GRXCR1: variants seen among roughly 807,000 people sequenced by gnomAD.
GRXCR1 encodes glutaredoxin and cysteine rich domain containing 1.
In GRXCR1, 27 loss-of-function variants were observed where a neutral mutation model predicts 27.3. The ratio of observed to expected loss-of-function variants is 0.99; its 90% confidence interval spans 0.73 to 1.37. GRXCR1 has a LOEUF of 1.37. GRXCR1 is among the 40% of genes most tolerant of loss of function. The pLI is 0.00. For missense variants in GRXCR1, 379 were observed against 354.4 expected (o/e 1.07, Z -0.56); for synonymous variants, 122 against 131.1 (o/e 0.93, Z 0.47).
At chr4:43,006,098 A>C (rs775419776) in intron 2 of GRXCR1, among the ~76,000 whole-genome samples, 4 of 152,188 alleles carry the variant, frequency 2.6e-5, no homozygotes, top group Non-Finnish European at 5.9e-5. Flanking sequence ...ATGGGCACTT[A>C]TCACTTCCCC....
At chr4:42,947,620 C>T (rs1226715093) in intron 1 of GRXCR1, among the ~76,000 whole-genome samples, 1 of 152,046 alleles carries the variant, frequency 6.6e-6, no homozygotes, top group Non-Finnish European at 1.5e-5. Flanking sequence ...ATTAGATTGC[C>T]TTTCCTAATG....
chr4:42,922,263 T>C (rs1747032516), intron 1 of GRXCR1, among the ~76,000 whole-genome samples: 1 of 152,120 alleles, frequency 6.6e-6, no homozygotes, highest in South Asian at 2.1e-4. Context: ...CCCTGCCTCC[T>C]GGTCTGTCTG....
At chr4:42,972,886 A>C (rs2109780316) in intron 2 of GRXCR1, among the ~76,000 whole-genome samples, 1 of 152,136 alleles carries the variant, frequency 6.6e-6, no homozygotes, top group East Asian at 2.0e-4. Context: ...ATGCTGAATT[A>C]CTTCACCACT....
At chr4:42,984,476 G>A (rs374049565) in intron 2 of GRXCR1, among the ~76,000 whole-genome samples, 1 of 152,180 alleles carries the variant, frequency 6.6e-6, no homozygotes, top group Non-Finnish European at 1.5e-5. Flanking sequence ...GTGGACATGT[G>A]TCAATGTCTG....
Position 42,960,280 on chromosome 4 carries a change from G to C in GRXCR1, c.385-2612G>C, listed in dbSNP as rs144762028. Among the ~76,000 whole-genome samples the C allele has an allele frequency of 4.5e-3, 681 of 152,076 alleles. 2 individuals are homozygous for C. The highest frequency in any genetic ancestry group is 0.015 in the African/African-American group (641 of 41,526). ...ATCATTTTGGTAGAAAACTAATGCA[G>C]TAATAGTAGTCTTTGTATTCAGAGG... is the stretch of plus-strand genomic sequence containing the variant. On this transcript the variant is annotated intron_variant, in intron 1 of 3. Coordinates refer to ENST00000399770, the MANE Select transcript of GRXCR1 (RefSeq NM_001080476.3).
intron 2 of GRXCR1, among the ~76,000 whole-genome samples, chr4:43,010,165 GC>G (rs1310113901): frequency 6.6e-6 from 1 of 152,148 alleles, no homozygotes; most frequent in African/African-American, 2.4e-5. Context: ...ACTTTGGGAG[GC>G]CAAGATGGGT....
At chr4:42,907,163 G>A (rs1746615348) in intron 1 of GRXCR1, among the ~76,000 whole-genome samples, 1 of 152,168 alleles carries the variant, frequency 6.6e-6, no homozygotes, top group South Asian at 2.1e-4. Context: ...ACAAATTGTA[G>A]CATGTATTTG....
chr4:42,899,652 C>A (rs1746421485), intron 1 of GRXCR1, among the ~76,000 whole-genome samples: 1 of 152,106 alleles, frequency 6.6e-6, no homozygotes, highest in Non-Finnish European at 1.5e-5. Context: ...TGTATAATGA[C>A]TTTTATCTTG....
At chr4:43,008,168 T>C (rs976788725) in intron 2 of GRXCR1, among the ~76,000 whole-genome samples, 1 of 152,222 alleles carries the variant, frequency 6.6e-6, no homozygotes, top group Non-Finnish European at 1.5e-5. Context: ...TTCATCTTTT[T>C]AGTATTTAGT....
intron 1 of GRXCR1, among the ~76,000 whole-genome samples, chr4:42,918,992 A>T (rs1746947122): frequency 6.6e-6 from 1 of 152,186 alleles, no homozygotes; most frequent in African/African-American, 2.4e-5. Context: ...AAGGCAGCAG[A>T]AATCAGAATA....
intron 1 of GRXCR1, among the ~76,000 whole-genome samples, chr4:42,897,118 C>A (rs1262765086): frequency 6.6e-6 from 1 of 152,054 alleles, no homozygotes; most frequent in Non-Finnish European, 1.5e-5. Flanking sequence ...TCATGCTAAG[C>A]AAATTATAAA....
chr4:42,948,992 T>C (rs1419746785), intron 1 of GRXCR1, among the ~76,000 whole-genome samples: 1 of 152,156 alleles, frequency 6.6e-6, no homozygotes, highest in Non-Finnish European at 1.5e-5. Flanking sequence ...GTTTTTAAAC[T>C]ACTAACTTTG....
intron 1 of GRXCR1, among the ~76,000 whole-genome samples, chr4:42,894,130 C>T (rs1391163827): frequency 6.6e-6 from 1 of 152,122 alleles, no homozygotes; most frequent in Non-Finnish European, 1.5e-5. Flanking sequence ...CTAACTTCGA[C>T]TTCCTCCCAT....
intron 2 of GRXCR1, among the ~76,000 whole-genome samples, chr4:42,994,008 C>A (rs1201230021): frequency 6.6e-6 from 1 of 152,050 alleles, no homozygotes; most frequent in Non-Finnish European, 1.5e-5. Context: ...TTTGAAGTAA[C>A]TTTCTTATTT....
At chr4:42,895,052 C>A (rs1746316741) in intron 1 of GRXCR1, among the ~76,000 whole-genome samples, 1 of 151,920 alleles carries the variant, frequency 6.6e-6, no homozygotes, top group Admixed American at 6.6e-5. Flanking sequence ...ATTCAAATCT[C>A]CCCCCAAATT....
rs1746276111 is a variant in GRXCR1 at position 42,893,365 on chromosome 4, T to C, written c.99T>C (p.Tyr33=). The C allele has an allele frequency of 1.9e-6, 3 of 1,613,658 alleles. 1 individual carries two copies. In the South Asian group the frequency reaches 3.3e-5, roughly 18 times the overall value. The change falls in exon 1 of 4, where the codon TAT becomes TAC. Residue 33 remains tyrosine, a synonymous_variant. Coordinates refer to ENST00000399770, the MANE Select transcript of GRXCR1 (RefSeq NM_001080476.3). ...SHSGRVLKEV[Y]EDGQPSGSLD... ...GTGGGCGAGTTCTGAAGGAAGTGTA[T>C]GAAGATGGGCAACCGTCAGGCTCTC...
At chr4:42,944,579 T>A (rs1266796364) in intron 1 of GRXCR1, among the ~76,000 whole-genome samples, 1 of 152,102 alleles carries the variant, frequency 6.6e-6, no homozygotes, top group African/African-American at 2.4e-5. Context: ...TACGTTTTTA[T>A]CTATTTTATG....
At chr4:42,906,943 A>G (rs1746609611) in intron 1 of GRXCR1, among the ~76,000 whole-genome samples, 1 of 152,150 alleles carries the variant, frequency 6.6e-6, no homozygotes, top group South Asian at 2.1e-4. Flanking sequence ...TATTTTCCCT[A>G]TTTCCACACT....
At chr4:42,975,648 A>T (rs536272391) in intron 2 of GRXCR1, among the ~76,000 whole-genome samples, 5 of 152,006 alleles carry the variant, frequency 3.3e-5, no homozygotes, top group East Asian at 1.9e-4. Flanking sequence ...CCGTAGTCAC[A>T]CTCCATCATC....
Sources: allele counts gnomAD v4.1 joint callset (sites outside exome capture counted in the v4.1 genomes callset), GRCh38; gene constraint gnomAD v4.1.1; transcripts MANE v1.5; gene names NCBI Gene and HGNC (gene_info 2026-07-23, HGNC 2026-07-21).